HEMK2: variants seen among roughly 807,000 people sequenced by gnomAD.
The protein encoded by HEMK2 is HemK methyltransferase 2, ETF1 glutamine and histone H4 lysine, also known as methyltransferase HEMK2.
At chr21:28,776,392 A>C in the HEMK2 span, among the ~76,000 whole-genome samples, 1 of 152,224 alleles carries the variant, frequency 6.6e-6, no homozygotes, top group Admixed American at 6.5e-5. Context: ...AATTCAAAAA[A>C]TTCTTGCCCC....
At chr21:28,659,210 A>G in the HEMK2 span, among the ~76,000 whole-genome samples, 4 of 152,094 alleles carry the variant, frequency 2.6e-5, no homozygotes, top group Non-Finnish European at 4.4e-5. Context: ...TAGAAGCTTT[A>G]TTCAATAAAG....
the HEMK2 span, among the ~76,000 whole-genome samples, chr21:28,632,649 T>C: frequency 6.6e-6 from 1 of 152,196 alleles, no homozygotes; most frequent in Non-Finnish European, 1.5e-5. Flanking sequence ...CACGGTAAAA[T>C]AGAAATCAAA....
the HEMK2 span, among the ~76,000 whole-genome samples, chr21:28,671,670 T>C: frequency 1.3e-5 from 2 of 152,182 alleles, no homozygotes; most frequent in Non-Finnish European, 2.9e-5. Flanking sequence ...TTGATGCTAA[T>C]TCCCAAGAAG....
At chr21:28,823,117 G>A in the HEMK2 span, among the ~76,000 whole-genome samples, 2 of 152,210 alleles carry the variant, frequency 1.3e-5, no homozygotes, top group Non-Finnish European at 2.9e-5. Context: ...GAACAGGGCA[G>A]CAGGGTTAAT....
At chr21:28,594,701 A>G in the HEMK2 span, among the ~76,000 whole-genome samples, 1 of 152,192 alleles carries the variant, frequency 6.6e-6, no homozygotes, top group Non-Finnish European at 1.5e-5. Flanking sequence ...TAAACATCAA[A>G]TTTTTAAATC....
the HEMK2 span, among the ~76,000 whole-genome samples, chr21:28,663,213 C>A: frequency 6.6e-6 from 1 of 152,162 alleles, no homozygotes; most frequent in Non-Finnish European, 1.5e-5. Flanking sequence ...TGAGAAAGTG[C>A]AATGATAAGT....
At chr21:28,832,568 A>G in the HEMK2 span, among the ~76,000 whole-genome samples, 1 of 152,200 alleles carries the variant, frequency 6.6e-6, no homozygotes, top group Admixed American at 6.5e-5. Flanking sequence ...TTATGATATA[A>G]ATTGAGAAGA....
the HEMK2 span, among the ~76,000 whole-genome samples, chr21:28,705,141 G>T: frequency 6.6e-6 from 1 of 151,190 alleles, no homozygotes; most frequent in Non-Finnish European, 1.5e-5. Flanking sequence ...CTTTTTTCTT[G>T]TCCTACCTTG....
At chr21:28,598,043 AG>A in the HEMK2 span, among the ~76,000 whole-genome samples, 39 of 152,336 alleles carry the variant, frequency 2.6e-4, no homozygotes, top group African/African-American at 8.9e-4. Context: ...CTTGGAACTG[AG>A]GAGCCTAAAA....
At chr21:28,730,318 C>T in the HEMK2 span, among the ~76,000 whole-genome samples, 2 of 151,814 alleles carry the variant, frequency 1.3e-5, no homozygotes, top group Admixed American at 6.6e-5. Flanking sequence ...GAGGTCAAGG[C>T]TGCAGTAAGC....
the HEMK2 span, among the ~76,000 whole-genome samples, chr21:28,666,662 T>C: frequency 6.6e-6 from 1 of 152,306 alleles, no homozygotes; most frequent in East Asian, 1.9e-4. Context: ...AGATTTGTAA[T>C]ATATTTGCCT....
chr21:28,613,812 AAGAAATGTC>A, the HEMK2 span, among the ~76,000 whole-genome samples: 1 of 152,080 alleles, frequency 6.6e-6, no homozygotes, highest in Non-Finnish European at 1.5e-5. Context: ...TTAAACATGT[AAGAAATGTC>A]CTCAAATCTA....
chr21:28,821,768 T>A, the HEMK2 span, among the ~76,000 whole-genome samples: 1 of 152,238 alleles, frequency 6.6e-6, no homozygotes, highest in Non-Finnish European at 1.5e-5. Context: ...TAGAATATAC[T>A]GGTGGCTCAA....
chr21:28,779,224 T>C, the HEMK2 span, among the ~76,000 whole-genome samples: 3 of 152,188 alleles, frequency 2.0e-5, no homozygotes, highest in Admixed American at 1.3e-4. Flanking sequence ...TGTTCATCAA[T>C]GGATGGATGG....
chr21:28,698,644 T>G, the HEMK2 span, among the ~76,000 whole-genome samples: 2 of 152,202 alleles, frequency 1.3e-5, no homozygotes, highest in East Asian at 3.8e-4. Flanking sequence ...TGCAATTTTA[T>G]GAAGGATTGA....
the HEMK2 span, among the ~76,000 whole-genome samples, chr21:28,750,273 T>C: frequency 1.3e-5 from 2 of 152,350 alleles, no homozygotes; most frequent in East Asian, 3.9e-4. Flanking sequence ...TCATATTTAA[T>C]TTTTAGCTGT....
chr21:28,818,306 C>T, the HEMK2 span, among the ~76,000 whole-genome samples: 5 of 152,184 alleles, frequency 3.3e-5, no homozygotes, highest in Admixed American at 1.3e-4. Context: ...TGACCACAGA[C>T]TGAAGGCTGC....
the HEMK2 span, among the ~76,000 whole-genome samples, chr21:28,600,252 C>T: frequency 6.6e-6 from 1 of 152,270 alleles, no homozygotes; most frequent in Non-Finnish European, 1.5e-5. Flanking sequence ...TCTGCATGGA[C>T]ATCCAACTGC....
the HEMK2 span, among the ~76,000 whole-genome samples, chr21:28,760,871 G>C: frequency 1.3e-5 from 2 of 152,084 alleles, no homozygotes; most frequent in Admixed American, 1.3e-4. Flanking sequence ...AATTTCTACT[G>C]TGTGTTTATT....
Sources: gnomAD v4.1 joint callset for allele counts (sites outside exome capture counted in the v4.1 genomes callset) on GRCh38, gnomAD v4.1.1 for gene constraint, MANE v1.5 for transcripts, NCBI Gene and HGNC (gene_info 2026-07-23, HGNC 2026-07-21) for gene names.